The following XKR4 variants were observed in gnomAD, a reference collection of about 807,000 sequenced individuals.
XKR4 encodes XK-related protein 4.
Under a neutral mutation model 53.9 loss-of-function variants are expected in XKR4, and 12 were observed. The observed-to-expected ratio is 0.22, with a 90% CI of 0.14 to 0.36. The LOEUF is 0.36. Among genes scored for constraint, XKR4 ranks in the 10% least tolerant of loss-of-function variants. The probability of loss-of-function intolerance (pLI) is 1.00; values close to 1 mark genes in which losing one functional copy is unlikely to be tolerated. For synonymous variants in XKR4, 354 were observed against 362.4 expected (o/e 0.98, Z 0.26); for missense variants, 799 against 859.5 (o/e 0.93, Z 0.88).
chr8:55,204,903 G>A (rs1329084412), intron 1 of XKR4, among the ~76,000 whole-genome samples: 2 of 152,186 alleles, frequency 1.3e-5, no homozygotes, highest in Admixed American at 6.6e-5. Context: ...AAAAAGCTCT[G>A]AGACACTCCC....
chr8:55,297,914 G>T (rs539745629), intron 1 of XKR4, among the ~76,000 whole-genome samples: 1 of 152,102 alleles, frequency 6.6e-6, no homozygotes, highest in Non-Finnish European at 1.5e-5. Flanking sequence ...AAGAAAACAA[G>T]CAATAAGAAC....
Position 55,524,826 on chromosome 8 carries a change from A to C in XKR4, c.*599A>C, listed in dbSNP as rs1484094583. On this transcript the variant is annotated 3_prime_UTR_variant, in exon 3 of 3. Transcript: ENST00000327381. ...ATCCTATCCAACGGACAGCAAACCC[A>C]AATGTTGTCTACACATGTGTTAGCA... 3 of 152,758 alleles carry C rather than the reference A, an allele frequency of 2.0e-5. No homozygotes were observed. The East Asian group carries it at 5.8e-4, about 29-fold the overall frequency. 9.5% of individuals were successfully genotyped at this position (152,758 alleles called of 1,614,324 possible). A position where few individuals can be genotyped will look rare whatever the true frequency, so the allele number is the denominator to read the frequency against.
intron 1 of XKR4, among the ~76,000 whole-genome samples, chr8:55,300,202 T>C (rs986518226): frequency 6.6e-6 from 1 of 152,026 alleles, no homozygotes; most frequent in Admixed American, 6.6e-5. Context: ...AGGGAGTCGC[T>C]GAAATGATGG....
chr8:55,416,026 T>G (rs1481652664), intron 2 of XKR4, among the ~76,000 whole-genome samples: 1 of 151,774 alleles, frequency 6.6e-6, no homozygotes, highest in Non-Finnish European at 1.5e-5. Flanking sequence ...TCTTTAGGAG[T>G]AAGTATAGCA....
At chr8:55,465,965 A>G (rs1805760540) in intron 2 of XKR4, among the ~76,000 whole-genome samples, 1 of 152,110 alleles carries the variant, frequency 6.6e-6, no homozygotes, top group South Asian at 2.1e-4. Flanking sequence ...TAGAATGGTG[A>G]TCATTAAAAA....
In XKR4 at chr8:55,540,588, T is replaced by A. The variant is rs973575334; in HGVS notation, c.*16361T>A. The A allele has an allele frequency of 1.3e-5, 2 of 151,998 alleles. No individual in the cohort carries two copies. Among genetic ancestry groups the A allele is most frequent in the East Asian group, 1.9e-4 (1 of 5,174 alleles). 9.4% of individuals were successfully genotyped at this position (151,998 alleles called of 1,614,324 possible). On this transcript the variant is annotated 3_prime_UTR_variant, in exon 3 of 3. Coordinates refer to ENST00000327381, the MANE Select transcript of XKR4 (RefSeq NM_052898.2). ...AGACAGCTCAATAGCCTAGGGAGAG[T>A]CGATGAAGGATATGCAAATTACATT...
chr8:55,353,077 A>T (rs1008118419), intron 1 of XKR4, among the ~76,000 whole-genome samples: 6 of 152,132 alleles, frequency 3.9e-5, no homozygotes, highest in Non-Finnish European at 8.8e-5. Context: ...ATCTCAGGTG[A>T]GGGTTGGAGT....
At chr8:55,267,858 C>T (rs1818632356) in intron 1 of XKR4, among the ~76,000 whole-genome samples, 1 of 152,108 alleles carries the variant, frequency 6.6e-6, no homozygotes, top group Non-Finnish European at 1.5e-5. Context: ...AGTAGAAGTG[C>T]TCTGTAGGAA....
At chr8:55,465,828 A>T (rs1328806653) in intron 2 of XKR4, among the ~76,000 whole-genome samples, 1 of 152,184 alleles carries the variant, frequency 6.6e-6, no homozygotes, top group East Asian at 1.9e-4. Flanking sequence ...TGGGCAAAGG[A>T]TATGAACAGA....
At chr8:55,413,932 C>T (rs1804809675) in intron 2 of XKR4, among the ~76,000 whole-genome samples, 1 of 152,172 alleles carries the variant, frequency 6.6e-6, no homozygotes, top group South Asian at 2.1e-4. Context: ...CCAATGAAGA[C>T]AATCTCATTT....
At chr8:55,152,372 A>G (rs1471551124) in intron 1 of XKR4, among the ~76,000 whole-genome samples, 1 of 152,196 alleles carries the variant, frequency 6.6e-6, no homozygotes, top group African/African-American at 2.4e-5. Flanking sequence ...TTGAAATCCA[A>G]TAAGATGTTC....
chr8:55,523,716 C>G lies in XKR4; in HGVS notation c.1442C>G (p.Pro481Arg). Residue 481 changes from proline (P) to arginine (R), a missense_variant, in exon 3 of 3, where the codon CCC (proline) becomes CGC (arginine). Physicochemically the swap from Pro to Arg is moderately radical, Grantham distance 103. This residue lies in a region of XKR4 where 269 missense variants were observed against 264.4 expected (regional missense o/e 1.02). Coordinates refer to ENST00000327381, the MANE Select transcript of XKR4 (RefSeq NM_052898.2). ...LSALWYLYKA[P>R]QIADAFAIPA... is the part of the protein sequence containing the mutation. Reference sequence around the variant, plus strand: ...GCCCTCTGGTACCTCTACAAGGCTCCCCAGATTGCAGACGCATTTGCCATT... The same window carrying G: ...GCCCTCTGGTACCTCTACAAGGCTCGCCAGATTGCAGACGCATTTGCCATT... 1.2e-6 allele frequency: 2 copies of G among 1,614,170 alleles called. No individual in the cohort carries two copies. Among genetic ancestry groups the G allele is most frequent in the Non-Finnish European group, 1.7e-6 (2 of 1,180,036 alleles).
chr8:55,479,660 A>G (rs1287419068), intron 2 of XKR4, among the ~76,000 whole-genome samples: 15 of 152,164 alleles, frequency 9.9e-5, no homozygotes, highest in African/African-American at 3.6e-4. Flanking sequence ...TAGCAAGACT[A>G]ATAAAGAAGA....
chr8:55,336,041 CAAAA>C (rs34885296), intron 1 of XKR4, among the ~76,000 whole-genome samples: 3 of 113,690 alleles, frequency 2.6e-5, no homozygotes, highest in East Asian at 2.7e-4. Context: ...AACTCTATAC[CAAAA>C]AAAAAAAAAA....
chr8:55,370,208 A>G (rs1189376975), intron 2 of XKR4, among the ~76,000 whole-genome samples: 4 of 152,206 alleles, frequency 2.6e-5, no homozygotes, highest in Non-Finnish European at 5.9e-5. Context: ...CAAATTGGTC[A>G]TTTTGATGAC....
intron 2 of XKR4, among the ~76,000 whole-genome samples, chr8:55,377,234 C>T (rs988241880): frequency 6.6e-6 from 1 of 152,204 alleles, no homozygotes; most frequent in African/African-American, 2.4e-5. Flanking sequence ...ACCTGTGGTG[C>T]ACTCCTCTAC....
At chr8:55,489,512 A>C (rs1806242226) in intron 2 of XKR4, among the ~76,000 whole-genome samples, 1 of 152,130 alleles carries the variant, frequency 6.6e-6, no homozygotes, top group Non-Finnish European at 1.5e-5. Context: ...CCTAGGACTT[A>C]AAAGATGAAG....
chr8:55,481,055 G>C (rs1171869083), intron 2 of XKR4, among the ~76,000 whole-genome samples: 1 of 152,056 alleles, frequency 6.6e-6, no homozygotes, highest in Non-Finnish European at 1.5e-5. Flanking sequence ...CTACTTTCAA[G>C]TTCATATGGA....
chr8:55,469,292 A>AAG (rs1349244603), intron 2 of XKR4, among the ~76,000 whole-genome samples: 3 of 152,080 alleles, frequency 2.0e-5, no homozygotes, highest in Non-Finnish European at 4.4e-5. Flanking sequence ...TTGTTAGATT[A>AAG]AGAACAATGG....
Sources: allele counts gnomAD v4.1 joint callset (sites outside exome capture counted in the v4.1 genomes callset), GRCh38; gene constraint gnomAD v4.1.1; regional missense constraint gnomAD v4.1.1; transcripts MANE v1.5; gene names NCBI Gene and HGNC (gene_info 2026-07-23, HGNC 2026-07-21).